Variants in PLXNA4 observed in about 807,000 individuals in gnomAD.
PLXNA4 encodes plexin-A4.
A neutral mutation model predicts 191.8 loss-of-function variants in PLXNA4; 44 were observed. The observed-to-expected ratio is 0.23, with a 90% CI of 0.18 to 0.29. The LOEUF (loss-of-function observed/expected upper bound fraction) is 0.29, where lower values mean the gene tolerates loss of function less well. Among genes scored for constraint, PLXNA4 ranks in the 10% least tolerant of loss-of-function variants. PLXNA4 has a pLI of 1.00. For synonymous variants in PLXNA4, 1,082 were observed against 1,009.5 expected (o/e 1.07, Z -1.36); for missense variants, 1,800 against 2,488.8 (o/e 0.72, Z 5.89).
intron 9 of PLXNA4, among the ~76,000 whole-genome samples, chr7:132,222,384 G>T (rs988244722): frequency 1.3e-5 from 2 of 152,198 alleles, no homozygotes; most frequent in Non-Finnish European, 1.5e-5. Flanking sequence ...TGAGGGTTTG[G>T]CCAAAGGTAG....
intron 3 of PLXNA4, chr7:132,385,019 G>C: frequency 7.0e-7 from 1 of 1,428,490 alleles, no homozygotes; most frequent in Non-Finnish European, 9.2e-7. Flanking sequence ...AAGCTAAGCA[G>C]AGACACATTC....
intron 2 of PLXNA4, among the ~76,000 whole-genome samples, chr7:132,635,304 G>T (rs1305879008): frequency 2.0e-5 from 3 of 151,750 alleles, no homozygotes; most frequent in South Asian, 2.1e-4. Flanking sequence ...AAAGGTCATA[G>T]CGTACTTAGT....
chr7:132,559,775 A>G (rs538727189), intron 1 of PLXNA4, among the ~76,000 whole-genome samples: 6 of 152,386 alleles, frequency 3.9e-5, no homozygotes, highest in Admixed American at 2.0e-4. Context: ...TGCAGAATGC[A>G]AAGCATCTGT....
chr7:132,215,511 T>A (rs902506884), intron 9 of PLXNA4, among the ~76,000 whole-genome samples: 1 of 152,228 alleles, frequency 6.6e-6, no homozygotes, highest in African/African-American at 2.4e-5. Flanking sequence ...AAAAGGAGCA[T>A]CTTTTGTTAT....
chr7:132,535,721 G>C (rs750507827), intron 1 of PLXNA4, among the ~76,000 whole-genome samples: 23 of 151,980 alleles, frequency 1.5e-4, no homozygotes, highest in Non-Finnish European at 3.2e-4. Flanking sequence ...CCTTGGCCAA[G>C]ATCCCCTCTG....
chr7:132,136,742 A>C (rs1795125451), intron 30 of PLXNA4, among the ~76,000 whole-genome samples: 1 of 152,192 alleles, frequency 6.6e-6, no homozygotes. Flanking sequence ...ATGGTCTCCA[A>C]TGCCCTAAAC....
chr7:132,238,999 G>A (rs1798793812), intron 5 of PLXNA4, among the ~76,000 whole-genome samples: 1 of 152,208 alleles, frequency 6.6e-6, no homozygotes, highest in South Asian at 2.1e-4. Flanking sequence ...ATTCACAGAG[G>A]AAGAGCTGGG....
intron 2 of PLXNA4, among the ~76,000 whole-genome samples, chr7:132,623,115 C>G (rs181134029): frequency 5.9e-5 from 9 of 152,130 alleles, no homozygotes; most frequent in Admixed American, 2.0e-4. Context: ...GTGGCTGAGG[C>G]GGGTGGATCA....
At chr7:132,475,211 G>C (rs1317202882) in intron 3 of PLXNA4, among the ~76,000 whole-genome samples, 1 of 152,102 alleles carries the variant, frequency 6.6e-6, no homozygotes, top group Non-Finnish European at 1.5e-5. Context: ...CAGCAGGGTG[G>C]CCCACAGTAG....
intron 1 of PLXNA4, among the ~76,000 whole-genome samples, chr7:132,515,069 G>A (rs1798884385): frequency 6.6e-6 from 1 of 152,158 alleles, no homozygotes; most frequent in Admixed American, 6.5e-5. Context: ...TCAGGAATGA[G>A]AAACTGGTTA....
intron 4 of PLXNA4, among the ~76,000 whole-genome samples, chr7:132,296,814 C>G (rs957884322): frequency 1.3e-5 from 2 of 151,920 alleles, no homozygotes. Flanking sequence ...TGGGAAGCCT[C>G]GTGCCCAGCT....
chr7:132,227,099 GCCT>G (rs1012547250), intron 7 of PLXNA4, among the ~76,000 whole-genome samples: 4 of 152,184 alleles, frequency 2.6e-5, no homozygotes, highest in African/African-American at 9.6e-5. Flanking sequence ...CAGCTCAGTG[GCCT>G]CCTCCACTGA....
At chr7:132,514,295 C>T (rs1798854433) in intron 1 of PLXNA4, among the ~76,000 whole-genome samples, 1 of 152,032 alleles carries the variant, frequency 6.6e-6, no homozygotes. Context: ...TCATGATCCG[C>T]CCGCCTCGGC....
At chr7:132,538,278 G>A (rs1799931473) in intron 1 of PLXNA4, among the ~76,000 whole-genome samples, 1 of 152,288 alleles carries the variant, frequency 6.6e-6, no homozygotes, top group South Asian at 2.1e-4. Flanking sequence ...CCGAAGCGGA[G>A]ACACTCGGGC....
At chr7:132,351,660 G>C (rs975485518) in intron 3 of PLXNA4, among the ~76,000 whole-genome samples, 1 of 152,182 alleles carries the variant, frequency 6.6e-6, no homozygotes. Context: ...CCAACAGGAA[G>C]CACCTTGTCC....
intron 3 of PLXNA4, among the ~76,000 whole-genome samples, chr7:132,319,635 C>T (rs1229655710): frequency 6.6e-6 from 1 of 152,234 alleles, no homozygotes; most frequent in Non-Finnish European, 1.5e-5. Flanking sequence ...GCTCTGCATT[C>T]TTAACGGACA....
At chr7:132,316,244 C>T (rs556733894) in intron 3 of PLXNA4, among the ~76,000 whole-genome samples, 23 of 152,256 alleles carry the variant, frequency 1.5e-4, no homozygotes, top group South Asian at 8.3e-4. Flanking sequence ...TTTATTGAAT[C>T]GTCCACATTC....
rs148184378 is a variant in PLXNA4 at position 132,311,688 on chromosome 7, C to T, written c.1372-13466G>A. Among the ~76,000 whole-genome samples, 82 of 152,318 alleles carry T rather than the reference C, an allele frequency of 5.4e-4. 1 individual carries two copies. The East Asian group carries it at 0.013, about 24-fold the overall frequency. On this transcript the variant is annotated intron_variant, in intron 3 of 31. Transcript: ENST00000321063. Reference sequence around the variant, plus strand: ...CTCCCCGTCCCACACATCTCTCCAGCACAGACACTGCCCACATCTTACTTT... The same window carrying T: ...CTCCCCGTCCCACACATCTCTCCAGTACAGACACTGCCCACATCTTACTTT...
chr7:132,231,044 C>T (rs1275351514), intron 5 of PLXNA4, among the ~76,000 whole-genome samples: 1 of 152,166 alleles, frequency 6.6e-6, no homozygotes, highest in African/African-American at 2.4e-5. Context: ...TGCATCTTGC[C>T]ACTGCTCCTG....
Sources: allele counts gnomAD v4.1 joint callset (sites outside exome capture counted in the v4.1 genomes callset), GRCh38; gene constraint gnomAD v4.1.1; transcripts MANE v1.5; gene names NCBI Gene and HGNC (gene_info 2026-07-23, HGNC 2026-07-21).